PYM1: variants seen among roughly 807,000 people sequenced by gnomAD.
PYM1 encodes the protein PYM1 exon junction complex associated factor.
PYM1 carries 7 observed loss-of-function variants against 20.7 expected under a neutral mutation model. The observed-to-expected ratio is 0.34, with a 90% confidence interval of 0.19 to 0.64. The LOEUF is 0.64. PYM1 is among the 30% of genes least tolerant of loss of function. The pLI is 0.74. For missense variants in PYM1, 194 were observed against 250.0 expected (o/e 0.78, Z 1.51); for synonymous variants, 100 against 99.2 (o/e 1.01, Z -0.05).
rs565071087 is a variant in PYM1 at position 55,918,347 on chromosome 12, G to A, written c.37+9378C>T. ...AATCTCCTGACCTCATGATCCGCCC[G>A]CTTCGGCCTCCCAAAGTGCTGGGAT... On this transcript the variant is annotated intron_variant, in intron 1 of 2. Transcript: ENST00000408946. 7.2e-4 allele frequency among the ~76,000 whole-genome samples: 110 copies of A among 152,114 alleles called. 2 individuals carry two copies. The highest frequency in any genetic ancestry group is 6.8e-3 in the Admixed American group (104 of 15,294).
At chr12:55,907,533 T>C (rs1180717423) in intron 1 of PYM1, among the ~76,000 whole-genome samples, 2 of 146,942 alleles carry the variant, frequency 1.4e-5, no homozygotes, top group African/African-American at 5.1e-5. Flanking sequence ...ACTTGGGAGG[T>C]TGAAGCAGGA....
At chr12:55,914,180 T>C (rs959067484) in intron 1 of PYM1, 5 of 647,850 alleles carry the variant, frequency 7.7e-6, no homozygotes, top group South Asian at 5.1e-5. Context: ...GGACTAAAGA[T>C]AGACTGTAAT....
intron 1 of PYM1, among the ~76,000 whole-genome samples, chr12:55,913,146 C>G (rs571903401): frequency 3.2e-4 from 49 of 152,138 alleles, no homozygotes; most frequent in Non-Finnish European, 6.6e-4. Flanking sequence ...AGGCAGCCTT[C>G]CTGACTTCCT....
chr12:55,904,680 C>T (rs1385176267), intron 1 of PYM1, among the ~76,000 whole-genome samples: 1 of 150,732 alleles, frequency 6.6e-6, no homozygotes, highest in African/African-American at 2.4e-5. Flanking sequence ...AGTTCGAGAC[C>T]AGCCTGGCCA....
At chr12:55,925,061 C>T (rs1000160488) in intron 1 of PYM1, among the ~76,000 whole-genome samples, 9 of 152,222 alleles carry the variant, frequency 5.9e-5, no homozygotes, top group Non-Finnish European at 1.2e-4. Flanking sequence ...AATCTGATAG[C>T]TCTGTACTTT....
rs375888343 is a variant in PYM1, at chr12:55,902,261, G to T, written c.226C>A (p.Pro76Thr). The change falls in exon 3 of 3, where the codon CCT (proline) becomes ACT (threonine). Residue 76 changes from proline (P) to threonine (T), a missense_variant. Pro to Thr is a conservative substitution (Grantham distance 38). Transcript: ENST00000408946. Reference sequence around the variant, plus strand: ...GAGAGGCCTGGTTCACCACCTTCAGGCCTGGATGGGGTGACAGGAGCAGTG... The same window carrying T: ...GAGAGGCCTGGTTCACCACCTTCAGTCCTGGATGGGGTGACAGGAGCAGTG... ...EATAPVTPSR[P>T]EGGEPGLSKT... 1.9e-6 allele frequency: 3 copies of T among 1,614,060 alleles called. No homozygotes were observed. Among genetic ancestry groups the T allele is most frequent in the Non-Finnish European group, 2.5e-6 (3 of 1,180,040 alleles).
intron 1 of PYM1, among the ~76,000 whole-genome samples, chr12:55,915,559 TAAA>T (rs568756685): frequency 1.7e-5 from 2 of 121,058 alleles, no homozygotes; most frequent in Non-Finnish European, 3.4e-5. Flanking sequence ...AGTTTATCTT[TAAA>T]AAAAAAAAAA....
chr12:55,911,344 T>A (rs959777473), intron 1 of PYM1, among the ~76,000 whole-genome samples: 6 of 151,862 alleles, frequency 4.0e-5, no homozygotes, highest in African/African-American at 1.4e-4. Flanking sequence ...ACTCCTGACC[T>A]CATGTGATCC....
At chr12:55,913,072 T>G (rs539812482) in intron 1 of PYM1, among the ~76,000 whole-genome samples, 1 of 152,336 alleles carries the variant, frequency 6.6e-6, no homozygotes, top group African/African-American at 2.4e-5. Flanking sequence ...TGGAATAGAC[T>G]ATATTTGCTT....
chr12:55,919,695 C>CA (rs1883065751), intron 1 of PYM1, among the ~76,000 whole-genome samples: 1 of 151,326 alleles, frequency 6.6e-6, no homozygotes, highest in Admixed American at 6.6e-5. Context: ...GTCAGGAGTT[C>CA]GAGACCAGCC....
intron 1 of PYM1, among the ~76,000 whole-genome samples, chr12:55,905,934 A>AGATATATATATTATTATATATATCTAT (rs1565714530): frequency 7.1e-5 from 5 of 70,216 alleles, no homozygotes; most frequent in African/African-American, 2.5e-4. Flanking sequence ...TATATATCTA[A>AGATATATATATTATTATATATATCTAT]TAGATATATA....
At chr12:55,903,033 T>C (rs1271756488) in intron 2 of PYM1, among the ~76,000 whole-genome samples, 1 of 152,154 alleles carries the variant, frequency 6.6e-6, no homozygotes, top group African/African-American at 2.4e-5. Flanking sequence ...TCCACCTGCC[T>C]AGGCCTCCCA....
intron 1 of PYM1, among the ~76,000 whole-genome samples, chr12:55,910,005 G>A (rs918479580): frequency 1.3e-5 from 2 of 152,072 alleles, no homozygotes; most frequent in Admixed American, 1.3e-4. Context: ...TTCAAGACCA[G>A]CCTGAGCAAC....
chr12:55,905,186 T>C (rs1882774012), intron 1 of PYM1, among the ~76,000 whole-genome samples: 1 of 149,776 alleles, frequency 6.7e-6, no homozygotes, highest in South Asian at 2.1e-4. Flanking sequence ...TTTTTTTGTA[T>C]TTTTAATAAA....
chr12:55,922,673 C>T (rs1883120159), intron 1 of PYM1, among the ~76,000 whole-genome samples: 1 of 152,022 alleles, frequency 6.6e-6, no homozygotes, highest in African/African-American at 2.4e-5. Flanking sequence ...TACCCTGATA[C>T]AATGTGATGA....
chr12:55,918,505 G>A (rs1223643895), intron 1 of PYM1, among the ~76,000 whole-genome samples: 2 of 152,158 alleles, frequency 1.3e-5, no homozygotes, highest in African/African-American at 4.8e-5. Flanking sequence ...GGCTGACGTA[G>A]GAGGATCACT....
chr12:55,903,620 AAC>A, intron 1 of PYM1, 140 bp from the exon 2 acceptor site: 1 of 699,588 alleles, frequency 1.4e-6, no homozygotes, highest in Non-Finnish European at 2.4e-6. Flanking sequence ...TTCTCATACC[AAC>A]ACTCAATCCC....
chr12:55,915,890 G>A (rs372836067), intron 1 of PYM1, among the ~76,000 whole-genome samples: 2 of 152,196 alleles, frequency 1.3e-5, no homozygotes, highest in African/African-American at 4.8e-5. Flanking sequence ...CCTAGCAGTG[G>A]AAAACTCAGT....
intron 1 of PYM1, among the ~76,000 whole-genome samples, chr12:55,908,578 G>T (rs999432582): frequency 1.3e-5 from 2 of 151,976 alleles, no homozygotes; most frequent in Admixed American, 1.3e-4. Flanking sequence ...AAGTCCAGGC[G>T]CACGGGCCCA....
Sources: allele counts gnomAD v4.1 joint callset (sites outside exome capture counted in the v4.1 genomes callset), GRCh38; gene constraint gnomAD v4.1.1; transcripts MANE v1.5; gene names NCBI Gene and HGNC (gene_info 2026-07-23, HGNC 2026-07-21).